The following CSMD3 variants were observed in gnomAD, a reference collection of about 807,000 sequenced individuals.
CSMD3 encodes the protein CUB and sushi domain-containing protein 3.
Under a neutral mutation model 435.2 loss-of-function variants are expected in CSMD3, and 177 were observed. That is an observed-to-expected ratio of 0.41 (90% CI 0.36 to 0.46). The LOEUF (loss-of-function observed/expected upper bound fraction) is 0.46. Ranked by LOEUF, CSMD3 falls within the 20% of genes least tolerant of loss-of-function variation. The pLI is 0.34. For missense variants in CSMD3, 4,265 were observed against 4,504.6 expected (o/e 0.95, Z 1.52); for synonymous variants, 1,656 against 1,520.5 (o/e 1.09, Z -2.07).
chr8:112,859,745 C>CA (rs1244347474), intron 10 of CSMD3, among the ~76,000 whole-genome samples: 1 of 150,718 alleles, frequency 6.6e-6, no homozygotes, highest in East Asian at 1.9e-4. Flanking sequence ...TTAAAGAACT[C>CA]AGACTAAAAA....
At chr8:112,441,935 T>C (rs1815069674) in intron 32 of CSMD3, among the ~76,000 whole-genome samples, 1 of 152,202 alleles carries the variant, frequency 6.6e-6, no homozygotes, top group Non-Finnish European at 1.5e-5. Context: ...CAGATTTTTT[T>C]TGGTAAACAT....
At position 113,180,884 on chromosome 8, in the gene CSMD3, G is replaced by C. The variant is rs141507757; in HGVS notation, c.515-6968C>G. On this transcript the variant is annotated intron_variant, in intron 3 of 70. Coordinates refer to ENST00000297405, the MANE Select transcript of CSMD3 (RefSeq NM_198123.2). ...TTCCATAAGCATAATTTCTAAGCTG[G>C]AGTCATGTCACAGACCTCACTGGGA... Among the ~76,000 whole-genome samples, 83 of 152,000 alleles carry C rather than the reference G, an allele frequency of 5.5e-4. No individual in the cohort carries two copies. In the East Asian group the frequency reaches 0.013, roughly 24 times the overall value.
chr8:112,651,763 C>G (rs2075133478), intron 18 of CSMD3, among the ~76,000 whole-genome samples: 1 of 151,890 alleles, frequency 6.6e-6, no homozygotes, highest in Admixed American at 6.6e-5. Flanking sequence ...GTCTTGAACT[C>G]CTGACCTTGT....
chr8:112,862,088 A>G (rs999145380), intron 10 of CSMD3, among the ~76,000 whole-genome samples: 1 of 152,030 alleles, frequency 6.6e-6, no homozygotes, highest in Non-Finnish European at 1.5e-5. Flanking sequence ...ACTGTCTTCT[A>G]TGAAAATGAT....
At chr8:112,309,446 T>C (rs1182621088) in intron 50 of CSMD3, among the ~76,000 whole-genome samples, 5 of 151,804 alleles carry the variant, frequency 3.3e-5, no homozygotes, top group South Asian at 2.1e-4. Flanking sequence ...TTAAAATATA[T>C]ATATTATAAG....
intron 16 of CSMD3, among the ~76,000 whole-genome samples, chr8:112,668,064 T>A (rs1347816431): frequency 6.6e-6 from 1 of 152,152 alleles, no homozygotes; most frequent in African/African-American, 2.4e-5. Flanking sequence ...ACATTTTCTA[T>A]GTGAAATTGC....
At chr8:112,324,488 A>G (rs1823304211) in intron 45 of CSMD3, among the ~76,000 whole-genome samples, 2 of 152,084 alleles carry the variant, frequency 1.3e-5, no homozygotes, top group Non-Finnish European at 1.5e-5. Flanking sequence ...AGGTAAGCAA[A>G]GCAGACAGAA....
chr8:113,234,163 T>C (rs1320322090), intron 3 of CSMD3, among the ~76,000 whole-genome samples: 1 of 152,134 alleles, frequency 6.6e-6, no homozygotes, highest in Non-Finnish European at 1.5e-5. Context: ...GAAAAATTCA[T>C]AGAGAATCTT....
chr8:112,707,552 C>T (rs2076525455), intron 13 of CSMD3, among the ~76,000 whole-genome samples: 1 of 151,652 alleles, frequency 6.6e-6, no homozygotes, highest in African/African-American at 2.4e-5. Flanking sequence ...AACAGTTAAA[C>T]AGGCAATTTG....
intron 13 of CSMD3, among the ~76,000 whole-genome samples, chr8:112,725,193 A>T (rs541375144): frequency 2.0e-5 from 3 of 152,094 alleles, no homozygotes; most frequent in Non-Finnish European, 4.4e-5. Context: ...ATGCTTTTAT[A>T]ATCATAGTCC....
chr8:112,448,243 G>T (rs1401880403), intron 32 of CSMD3, among the ~76,000 whole-genome samples: 2 of 152,078 alleles, frequency 1.3e-5, no homozygotes, highest in African/African-American at 4.8e-5. Context: ...CTTTTCATAA[G>T]AGCACCAGTT....
At chr8:113,303,330 T>C (rs1310135821) in intron 2 of CSMD3, among the ~76,000 whole-genome samples, 3 of 148,008 alleles carry the variant, frequency 2.0e-5, no homozygotes, top group Non-Finnish European at 4.5e-5. Flanking sequence ...AAAATGGCCA[T>C]ACTACCCAAG....
intron 16 of CSMD3, among the ~76,000 whole-genome samples, chr8:112,679,070 G>A (rs1020054903): frequency 2.7e-5 from 4 of 146,222 alleles, no homozygotes; most frequent in Non-Finnish European, 4.5e-5. Context: ...CAGGAATGGT[G>A]GGGGGATGGG....
chr8:112,301,320 T>A (rs191245616), intron 53 of CSMD3, among the ~76,000 whole-genome samples: 2,521 of 141,910 alleles, frequency 0.018, 24 homozygotes, highest in Non-Finnish European at 0.026. Context: ...GTTCAAAAAA[T>A]TTTTTTTTAA....
chr8:113,183,019 G>T (rs2092446206), intron 3 of CSMD3, among the ~76,000 whole-genome samples: 1 of 152,120 alleles, frequency 6.6e-6, no homozygotes, highest in Admixed American at 6.6e-5. Context: ...ATATTCCACA[G>T]TTAAAGAGCA....
chr8:112,409,713 G>A (rs1299146263), intron 32 of CSMD3, among the ~76,000 whole-genome samples: 1 of 151,870 alleles, frequency 6.6e-6, no homozygotes, highest in Non-Finnish European at 1.5e-5. Flanking sequence ...CATACCAACA[G>A]AGCTTTATAG....
chr8:113,272,351 TGTATTGTGGGAGGGA>T (rs2093534987), intron 3 of CSMD3, among the ~76,000 whole-genome samples: 1 of 152,188 alleles, frequency 6.6e-6, no homozygotes, highest in Non-Finnish European at 1.5e-5. Context: ...ATAATTCCCA[TGTATTGTGGGAGGGA>T]CCCAGTGGGG....
intron 2 of CSMD3, among the ~76,000 whole-genome samples, chr8:113,301,530 T>A (rs183221175): frequency 6.6e-6 from 1 of 151,822 alleles, no homozygotes; most frequent in Non-Finnish European, 1.5e-5. Context: ...TAGTTTATGT[T>A]TTTTTTTAAT....
intron 2 of CSMD3, among the ~76,000 whole-genome samples, chr8:113,299,607 G>GA (rs2093748691): frequency 6.6e-6 from 1 of 152,048 alleles, no homozygotes; most frequent in African/African-American, 2.4e-5. Context: ...ACAAACACAT[G>GA]AAAAAATGCT....
Sources: allele counts gnomAD v4.1 joint callset (sites outside exome capture counted in the v4.1 genomes callset), GRCh38; gene constraint gnomAD v4.1.1; transcripts MANE v1.5; gene names NCBI Gene and HGNC (gene_info 2026-07-23, HGNC 2026-07-21).